COPS4: variants seen among roughly 807,000 people sequenced by gnomAD.
COPS4 encodes the protein COP9 signalosome complex subunit 4.
COPS4 carries 8 observed loss-of-function variants against 55.1 expected under a neutral mutation model. That is an observed-to-expected ratio of 0.15 (90% CI 0.09 to 0.26). The LOEUF is 0.26. COPS4 is among the 10% of genes least tolerant of loss of function. COPS4 has a pLI of 1.00. For missense variants in COPS4, 248 were observed against 484.0 expected, an observed-to-expected ratio of 0.51 and a Z score of 4.58; for synonymous variants, 185 against 165.7, an observed-to-expected ratio of 1.12 and a Z score of -0.90.
intron 7 of COPS4, among the ~76,000 whole-genome samples, chr4:83,064,769 A>G (rs1731252801): frequency 2.0e-5 from 3 of 149,800 alleles, no homozygotes; most frequent in Admixed American, 2.0e-4. Flanking sequence ...TGTGTTGCCC[A>G]GGCTAGTCTT....
chr4:83,065,012 C>T (rs1731260994), intron 7 of COPS4: 1 of 641,556 alleles, frequency 1.6e-6, no homozygotes, highest in South Asian at 1.6e-5. Context: ...TCCCCAGAAG[C>T]TTAGGCATGT....
intron 6 of COPS4, among the ~76,000 whole-genome samples, chr4:83,062,539 T>G (rs1157662655): frequency 6.7e-6 from 1 of 148,692 alleles, no homozygotes; most frequent in Non-Finnish European, 1.5e-5. Context: ...CTTGTTTTTT[T>G]ACTTTTATAC....
At chr4:83,039,657 G>T (rs560314447) in intron 1 of COPS4, among the ~76,000 whole-genome samples, 1 of 152,198 alleles carries the variant, frequency 6.6e-6, no homozygotes, top group Non-Finnish European at 1.5e-5. Flanking sequence ...TTAGAGACAG[G>T]GTCTTGCTCT....
chr4:83,055,356 T>C lies in COPS4; in HGVS notation c.411-1570T>C, dbSNP rs537023716. The stretch of plus-strand genomic sequence containing the variant: ...ATTTTGATATATGTGTATAGAAATA[T>C]ATTTTAATAGTGTTTTACATACTGT... On this transcript the variant is annotated intron_variant, in intron 4 of 9. Transcript: ENST00000264389. 2.6e-5 allele frequency among the ~76,000 whole-genome samples: 4 copies of C among 152,306 alleles called. No individual in the cohort carries two copies. In the East Asian group the frequency reaches 7.7e-4, roughly 29 times the overall value.
At chr4:83,069,887 A>G (rs1460159646) in intron 9 of COPS4, among the ~76,000 whole-genome samples, 1 of 152,078 alleles carries the variant, frequency 6.6e-6, no homozygotes, top group East Asian at 1.9e-4. Flanking sequence ...CCTCCCACCA[A>G]AAAACACTGG....
intron 4 of COPS4, among the ~76,000 whole-genome samples, chr4:83,056,301 A>G (rs775248830): frequency 4.6e-5 from 7 of 152,058 alleles, no homozygotes; most frequent in Non-Finnish European, 7.4e-5. Context: ...GATTCAAAGG[A>G]TGGTTGGAGA....
chr4:83,048,299 T>C (rs1242373864), intron 2 of COPS4, among the ~76,000 whole-genome samples: 1 of 152,210 alleles, frequency 6.6e-6, no homozygotes, highest in Non-Finnish European at 1.5e-5. Context: ...CTTAATCACA[T>C]AAAATAATAC....
At chr4:83,074,565 T>C (rs931850400) in intron 9 of COPS4, among the ~76,000 whole-genome samples, 6 of 150,614 alleles carry the variant, frequency 4.0e-5, no homozygotes, top group Admixed American at 4.0e-4. Context: ...TGGGTTCAAG[T>C]GATTCTCCTG....
chr4:83,053,839 C>CAAA (rs55904890), intron 4 of COPS4, among the ~76,000 whole-genome samples: 1 of 86,564 alleles, frequency 1.2e-5, no homozygotes, highest in African/African-American at 4.9e-5. Context: ...GACTCTGTCT[C>CAAA]AAAAAAAAAA....
chr4:83,056,681 C>T (rs567927983), intron 4 of COPS4, among the ~76,000 whole-genome samples: 1,765 of 152,234 alleles, frequency 0.012, 18 homozygotes, highest in Non-Finnish European at 0.018. Context: ...CGCCTGTAGT[C>T]CCAGCTACTT....
chr4:83,051,874 G>C (rs1730896933), intron 4 of COPS4, among the ~76,000 whole-genome samples: 2 of 152,200 alleles, frequency 1.3e-5, no homozygotes, highest in African/African-American at 4.8e-5. Flanking sequence ...ACCAGGGGAA[G>C]ATGTAGCAAA....
At chr4:83,037,920 A>G (rs1200535631) in intron 1 of COPS4, among the ~76,000 whole-genome samples, 1 of 152,214 alleles carries the variant, frequency 6.6e-6, no homozygotes, top group Non-Finnish European at 1.5e-5. Flanking sequence ...CTACCAGACT[A>G]TGCTCGTTTT....
At chr4:83,069,729 A>C (rs1382643923) in intron 9 of COPS4, among the ~76,000 whole-genome samples, 1 of 152,106 alleles carries the variant, frequency 6.6e-6, no homozygotes, top group African/African-American at 2.4e-5. Context: ...TGAAATTTTA[A>C]CTTCTTTATC....
intron 7 of COPS4, among the ~76,000 whole-genome samples, chr4:83,065,711 C>CCTGGAT (rs1330733618): frequency 6.6e-6 from 1 of 152,182 alleles, no homozygotes; most frequent in East Asian, 1.9e-4. Flanking sequence ...TTAGCCGGAT[C>CCTGGAT]CTGGATCTGG....
intron 4 of COPS4, among the ~76,000 whole-genome samples, chr4:83,056,246 C>T (rs189878817): frequency 2.3e-4 from 35 of 152,028 alleles, no homozygotes; most frequent in Admixed American, 6.6e-5. Context: ...GATTTATTTT[C>T]TAAAGGTAAA....
At chr4:83,068,326 A>G (rs907230938) in intron 8 of COPS4, 112 bp from the exon 9 acceptor site, 6 of 688,726 alleles carry the variant, frequency 8.7e-6, no homozygotes, top group African/African-American at 7.4e-5. Context: ...AGATTAATGT[A>G]TATGTAAAGT....
At chr4:83,040,757 TGGC>T (rs1730543542) in intron 1 of COPS4, among the ~76,000 whole-genome samples, 2 of 115,490 alleles carry the variant, frequency 1.7e-5, no homozygotes, top group Non-Finnish European at 1.6e-5. Context: ...CTTTTTATGT[TGGC>T]TTTTTTTTTT....
intron 8 of COPS4, 42 bp from the exon 9 acceptor site, chr4:83,068,396 A>G (rs1382954942): frequency 1.5e-6 from 2 of 1,327,506 alleles, no homozygotes; most frequent in Non-Finnish European, 2.2e-6. Flanking sequence ...AATAACTAAA[A>G]GATATGATAA....
intron 9 of COPS4, among the ~76,000 whole-genome samples, chr4:83,074,856 C>T (rs1256781778): frequency 1.3e-5 from 2 of 151,916 alleles, no homozygotes; most frequent in Non-Finnish European, 2.9e-5. Flanking sequence ...GACGCGGTGG[C>T]TCATGCCTGT....
Sources: gnomAD v4.1 joint callset for allele counts (sites outside exome capture counted in the v4.1 genomes callset) on GRCh38, gnomAD v4.1.1 for gene constraint, MANE v1.5 for transcripts, NCBI Gene and HGNC (gene_info 2026-07-23, HGNC 2026-07-21) for gene names.